Variants in PHKA1 observed in about 807,000 individuals in gnomAD.
The protein encoded by PHKA1 is phosphorylase b kinase regulatory subunit alpha, skeletal muscle isoform.
A neutral mutation model predicts 110.2 loss-of-function variants in PHKA1; 60 were observed. The observed-to-expected ratio is 0.54, with a 90% CI of 0.44 to 0.68. The LOEUF (loss-of-function observed/expected upper bound fraction) is 0.68. Ranked by LOEUF, PHKA1 falls within the 30% of genes least tolerant of loss-of-function variation. The pLI, the probability that PHKA1 is intolerant of heterozygous loss-of-function variation, is 0.00. For missense variants in PHKA1, 801 were observed against 942.5 expected (o/e 0.85, Z 1.97); for synonymous variants, 316 against 333.6 (o/e 0.95, Z 0.58).
rs1391979955 is a variant in PHKA1, at chrX:72,620,886, TC to T, written c.1975del (p.Glu659LysfsTer6). ...DSTSHARCGDEVARYLDHLLA... is the reference protein window; with the variant it reads ...DSTSHARCGDXVARYLDHLLA... ...AAGGTGATCTAAATAACGAGCAACT[TC>T]ATCACCACAGCGAGCTGCAAGGTTA... On this transcript the variant is annotated frameshift_variant, in exon 19 of 32. Transcript: ENST00000373542. LOFTEE classifies it high-confidence loss of function. 8.3e-7 allele frequency: 1 copy of T among 1,208,001 alleles called. No homozygotes were observed. The highest frequency in any genetic ancestry group is 1.1e-6 in the Non-Finnish European group (1 of 894,670).
intron 14 of PHKA1, among the ~76,000 whole-genome samples, chrX:72,643,867 T>C (rs1556296402): frequency 8.9e-6 from 1 of 111,818 alleles, no homozygotes; most frequent in African/African-American, 3.2e-5. Flanking sequence ...AACAATATAG[T>C]AATTTGTTTA....
chrX:72,609,558 G>T, intron 23 of PHKA1, 66 bp downstream of exon 23: 1 of 749,347 alleles, frequency 1.3e-6, no homozygotes, highest in Non-Finnish European at 2.1e-6. Flanking sequence ...ACAGATTAGG[G>T]CAAGGGAATT....
chrX:72,664,758 AAG>A (rs2053599764), intron 8 of PHKA1, among the ~76,000 whole-genome samples: 1 of 111,951 alleles, frequency 8.9e-6, no homozygotes, highest in African/African-American at 3.2e-5. Context: ...AATCAATAAC[AAG>A]AGAAACTTTT....
chrX:72,599,897 TAA>T, intron 28 of PHKA1: 1 of 521,972 alleles, frequency 1.9e-6, no homozygotes, highest in Non-Finnish European at 3.5e-6. Flanking sequence ...AATAAAATTT[TAA>T]AAGATATGAG....
chrX:72,681,709 G>A (rs1353581288), intron 5 of PHKA1, among the ~76,000 whole-genome samples: 3 of 79,884 alleles, frequency 3.8e-5, no homozygotes, highest in Admixed American at 1.3e-4. Flanking sequence ...CGCCCCGTCC[G>A]GGAGGGAGGT....
chrX:72,689,112 A>G (rs782055148), intron 4 of PHKA1: 8 of 112,425 alleles, frequency 7.1e-5, no homozygotes, highest in Non-Finnish European at 1.5e-4. Flanking sequence ...GGTCTATTGC[A>G]CTTATATTCT....
chrX:72,691,228 C>T (rs1327320882), intron 4 of PHKA1, among the ~76,000 whole-genome samples: 5 of 112,750 alleles, frequency 4.4e-5, no homozygotes, highest in Non-Finnish European at 7.5e-5. Context: ...AAAGTGATGG[C>T]TTATTTCTAA....
At position 72,620,842 on chromosome X, in the gene PHKA1, G is replaced by A. The variant is rs781892671; in HGVS notation, c.2020C>T (p.His674Tyr). Residue 674 changes from histidine (H) to tyrosine (Y), a missense_variant, in exon 19 of 32, where the codon CAT becomes TAT. His to Tyr is a moderately conservative substitution (Grantham distance 83, BLOSUM62 2). Around this residue, in one of 2 missense-constraint regions of PHKA1, gnomAD observed 502 missense variants for 519.2 expected, o/e 0.97. Transcript: ENST00000373542. ...TGTGAGGTAGGGGCTAGTTTAGGAT[G>A]GGGAGCAGTGTGCGCCAAAAGGTGA... is the stretch of plus-strand genomic sequence containing the variant. ...LDHLLAHTAP[H>Y]PKLAPTSQKG... 4 of 1,210,881 alleles carry A rather than the reference G, an allele frequency of 3.3e-6. No individual in the cohort carries two copies. Among genetic ancestry groups the A allele is most frequent in the Non-Finnish European group, 4.5e-6 (4 of 895,142 alleles).
At chrX:72,665,562 G>A (rs2053607768) in intron 8 of PHKA1, among the ~76,000 whole-genome samples, 1 of 111,143 alleles carries the variant, frequency 9.0e-6, no homozygotes, top group African/African-American at 3.3e-5. Context: ...AAACTGACGA[G>A]GACACAAGAA....
intron 16 of PHKA1, among the ~76,000 whole-genome samples, chrX:72,628,011 A>T (rs2053108712): frequency 9.3e-6 from 1 of 107,995 alleles, no homozygotes; most frequent in Admixed American, 9.9e-5. Context: ...TGTTTTTTTT[A>T]GTAGAGACGG....
intron 21 of PHKA1, among the ~76,000 whole-genome samples, chrX:72,616,447 A>AG (rs1295994034): frequency 8.9e-6 from 1 of 112,274 alleles, no homozygotes; most frequent in Admixed American, 9.4e-5. Flanking sequence ...GTTAAGCAAG[A>AG]GGATTCAACT....
chrX:72,669,358 TTG>T (rs2053652065), intron 6 of PHKA1, among the ~76,000 whole-genome samples: 3 of 110,638 alleles, frequency 2.7e-5, no homozygotes, highest in African/African-American at 9.9e-5. Context: ...TTTTTTTTTG[TTG>T]TTGTTGTTGT....
chrX:72,693,929 C>G (rs1024875906), intron 4 of PHKA1, among the ~76,000 whole-genome samples: 2 of 111,890 alleles, frequency 1.8e-5, no homozygotes, highest in Non-Finnish European at 3.8e-5. Context: ...GGTAGATTTC[C>G]TGGAGTAAAT....
chrX:72,692,745 A>T (rs981921947), intron 4 of PHKA1, among the ~76,000 whole-genome samples: 1 of 110,867 alleles, frequency 9.0e-6, no homozygotes. Flanking sequence ...GTAGCTAAAG[A>T]TTTATCAATT....
At chrX:72,609,850 A>T (rs2052781924) in intron 22 of PHKA1, 147 bp from the exon 23 acceptor site, 1 of 493,762 alleles carries the variant, frequency 2.0e-6, no homozygotes. Flanking sequence ...AAGATCAGAA[A>T]AGAAGGATTT....
intron 16 of PHKA1, among the ~76,000 whole-genome samples, chrX:72,632,052 T>C (rs1556288617): frequency 8.9e-6 from 1 of 112,143 alleles, no homozygotes; most frequent in Non-Finnish European, 1.9e-5. Flanking sequence ...TTAACTATTC[T>C]GTGTTAATTA....
chrX:72,606,086 T>A (rs1405987037), intron 23 of PHKA1, among the ~76,000 whole-genome samples: 2 of 111,946 alleles, frequency 1.8e-5, no homozygotes, highest in African/African-American at 6.5e-5. Context: ...ACGGTATCCA[T>A]CACCTTGAGC....
At chrX:72,659,777 T>C (rs782061099) in intron 8 of PHKA1, among the ~76,000 whole-genome samples, 11 of 112,627 alleles carry the variant, frequency 9.8e-5, no homozygotes, top group Admixed American at 7.5e-4. Context: ...GTTGGCAAAC[T>C]TTTTCATAGA....
At chrX:72,712,584 C>T (rs2054399495) in intron 2 of PHKA1, among the ~76,000 whole-genome samples, 195 bp downstream of exon 2, 1 of 111,413 alleles carries the variant, frequency 9.0e-6, no homozygotes, top group Non-Finnish European at 1.9e-5. Flanking sequence ...TTTCAAGTTT[C>T]CACTGCAAGA....
Sources: gnomAD v4.1 joint callset for allele counts (sites outside exome capture counted in the v4.1 genomes callset) on GRCh38, gnomAD v4.1.1 for gene constraint, gnomAD v4.1.1 regional missense constraint, MANE v1.5 for transcripts, NCBI Gene and HGNC (gene_info 2026-07-23, HGNC 2026-07-21) for gene names.